Variants in YEATS2 observed in about 807,000 individuals in gnomAD.
YEATS2 encodes the protein YEATS domain-containing protein 2.
In YEATS2, 77 loss-of-function variants were observed where a neutral mutation model predicts 163.2. The ratio of observed to expected loss-of-function variants is 0.47; its 90% CI spans 0.39 to 0.57. YEATS2 has a LOEUF of 0.57. Ranked by LOEUF, YEATS2 falls within the 20% of genes least tolerant of loss-of-function variation. The probability of loss-of-function intolerance (pLI) is 0.00; values close to 1 mark genes in which losing one functional copy is unlikely to be tolerated. For missense variants in YEATS2, 1,549 were observed against 1,729.8 expected, an observed-to-expected ratio of 0.90 and a Z score of 1.85; for synonymous variants, 631 against 645.1, an observed-to-expected ratio of 0.98 and a Z score of 0.33.
intron 2 of YEATS2, among the ~76,000 whole-genome samples, chr3:183,716,566 C>A (rs1459080308): frequency 2.0e-5 from 3 of 152,142 alleles, no homozygotes; most frequent in Non-Finnish European, 4.4e-5. Context: ...AGAGGAAATA[C>A]CGTTTCCTTT....
intron 10 of YEATS2, 106 bp from the exon 11 acceptor site, chr3:183,754,020 T>G: frequency 7.1e-7 from 1 of 1,401,998 alleles, no homozygotes; most frequent in Non-Finnish European, 9.5e-7. Context: ...CAGTACATGG[T>G]TTAAAATGGT....
Position 183,760,313 on chromosome 3 carries a change from A to AGTTTTTTTTTTTTTTTTT in YEATS2, c.1657-1194_1657-1193insGTTTTTTTTTTTTTTTTT, listed in dbSNP as rs1283432086. ...TTGAGAATTAAAGAGAAACTACAGA[A>AGTTTTTTTTTTTTTTTTT]TTTTTTTTTTTTTTTTTTTTTTTTT... On this transcript the variant is annotated intron_variant, in intron 13 of 30. Coordinates refer to ENST00000305135, the MANE Select transcript of YEATS2 (RefSeq NM_018023.5). 1.8e-5 allele frequency among the ~76,000 whole-genome samples: 2 copies of AGTTTTTTTTTTTTTTTTT among 110,314 alleles called. 1 individual carries two copies. The highest frequency in any genetic ancestry group is 7.3e-5 in the African/African-American group (2 of 27,522). The allele number at this position is 110,314 out of a possible 152,430, so 72.4% of individuals were successfully genotyped here.
At chr3:183,731,044 G>A (rs577964539) in intron 7 of YEATS2, among the ~76,000 whole-genome samples, 4 of 152,274 alleles carry the variant, frequency 2.6e-5, no homozygotes, top group African/African-American at 9.6e-5. Context: ...GCTCAGGCCT[G>A]TAATTCCAGC....
chr3:183,773,813 T>C lies in YEATS2; in HGVS notation c.2368+19T>C, dbSNP rs931172778. 2 of 1,591,350 alleles carry C rather than the reference T, an allele frequency of 1.3e-6. No individual in the cohort carries two copies. Among genetic ancestry groups the C allele is most frequent in the African/African-American group, 2.7e-5 (2 of 73,788 alleles). ...AATGCTAGTTAGTGAAACCATTGGG[T>C]TGAATCATTTGGTTCTTGGTTCTCT... On this transcript the variant is annotated intron_variant, in intron 17 of 30. Coordinates refer to ENST00000305135, the MANE Select transcript of YEATS2 (RefSeq NM_018023.5).
At chr3:183,806,778 C>A in intron 27 of YEATS2, 88 bp from the exon 28 acceptor site, 1 of 1,374,956 alleles carries the variant, frequency 7.3e-7, no homozygotes, top group Non-Finnish European at 1.0e-6. Context: ...TGCTTATCCC[C>A]CTTCCTCAGA....
chr3:183,756,216 A>G (rs1478636084), intron 11 of YEATS2, among the ~76,000 whole-genome samples: 1 of 152,246 alleles, frequency 6.6e-6, no homozygotes, highest in Non-Finnish European at 1.5e-5. Flanking sequence ...GGTGCATACC[A>G]GGAGATCTTG....
chr3:183,751,020 AC>A (rs1270137213), intron 9 of YEATS2, among the ~76,000 whole-genome samples: 25 of 152,304 alleles, frequency 1.6e-4, no homozygotes, highest in Admixed American at 1.5e-3. Flanking sequence ...AGAAACCATT[AC>A]CAAATTCAGT....
Position 183,777,712 on chromosome 3 carries a change from C to A in YEATS2, c.2736+12C>A. On this transcript the variant is annotated intron_variant, in intron 19 of 30. Transcript: ENST00000305135. ...CATTGTTTACACAGGTAAATACGCC[C>A]ATGCACACACCCCAAATATGGGGTG... 6.2e-7 allele frequency: 1 copy of A among 1,610,168 alleles called. No homozygotes were observed. The highest frequency in any genetic ancestry group is 8.5e-7 in the Non-Finnish European group (1 of 1,178,068).
intron 15 of YEATS2, among the ~76,000 whole-genome samples, chr3:183,771,262 G>A (rs975069931): frequency 6.6e-6 from 1 of 152,088 alleles, no homozygotes; most frequent in African/African-American, 2.4e-5. Flanking sequence ...CCTTAAGAAG[G>A]TAGATCATTT....
At chr3:183,768,934 C>T (rs760630056) in intron 15 of YEATS2, among the ~76,000 whole-genome samples, 17 of 152,058 alleles carry the variant, frequency 1.1e-4, no homozygotes, top group Non-Finnish European at 2.2e-4. Context: ...ATCGTGCCAC[C>T]GCACTCCAGC....
Position 183,722,129 on chromosome 3 carries a change from C to A in YEATS2, c.530C>A (p.Thr177Asn). 3.7e-6 allele frequency: 6 copies of A among 1,613,720 alleles called. No homozygotes were observed. Among genetic ancestry groups the A allele is most frequent in the Non-Finnish European group, 5.1e-6 (6 of 1,179,944 alleles). Residue 177 changes from threonine to asparagine, a missense_variant, in exon 5 of 31, where the codon ACT (threonine) becomes AAT (asparagine). By Grantham distance (65) the Thr-to-Asn change is moderately conservative. Coordinates refer to ENST00000305135, the MANE Select transcript of YEATS2 (RefSeq NM_018023.5). Reference protein sequence around the residue: ...NNMEQRPSRNTGRDTSRITGS... With the variant: ...NNMEQRPSRNNGRDTSRITGS... ...ATGGAGCAGAGACCAAGCCGAAATA[C>A]TGGAAGGGTATATAGATGGGTGGAT...
At chr3:183,808,957 C>T in intron 29 of YEATS2, 140 bp from the exon 30 acceptor site, 1 of 687,272 alleles carries the variant, frequency 1.5e-6, no homozygotes, top group Non-Finnish European at 2.6e-6. Context: ...ATTATTGAGG[C>T]CTTTAATTTT....
rs371992731 is a variant in YEATS2 at position 183,776,137 on chromosome 3, T to C, written c.2577+14T>C. The C allele has an allele frequency of 1.3e-5, 20 of 1,535,678 alleles. No individual in the cohort carries two copies. The highest frequency in any genetic ancestry group is 1.7e-5 in the Non-Finnish European group (20 of 1,144,442). On this transcript the variant is annotated intron_variant, in intron 18 of 30. Coordinates refer to ENST00000305135, the MANE Select transcript of YEATS2 (RefSeq NM_018023.5). ...CAAACTCCCCAGGTCTGGTTCTCTG[T>C]AACTGATATTTTAAATCATTTAGCT...
chr3:183,759,668 C>A (rs1289951334), intron 13 of YEATS2, among the ~76,000 whole-genome samples: 1 of 152,230 alleles, frequency 6.6e-6, no homozygotes, highest in Non-Finnish European at 1.5e-5. Context: ...TCCCACCTTA[C>A]AGTGGTCCAA....
chr3:183,803,465 A>G lies in YEATS2; in HGVS notation c.3582+130A>G, dbSNP rs950317078. On this transcript the variant is annotated intron_variant, in intron 26 of 30. Coordinates refer to ENST00000305135, the MANE Select transcript of YEATS2 (RefSeq NM_018023.5). ...ATTTTCCTCAGTTAAAAAAAATCTCATTTTTCAAAGACCTGTATCCAGCTG... is the reference window on the plus strand; with the variant it reads ...ATTTTCCTCAGTTAAAAAAAATCTCGTTTTTCAAAGACCTGTATCCAGCTG... 26 of 958,442 alleles carry G rather than the reference A, an allele frequency of 2.7e-5. No individual in the cohort carries two copies. In the East Asian group the frequency reaches 6.7e-4, roughly 25 times the overall value. 59.4% of individuals were successfully genotyped at this position (958,442 alleles called of 1,614,324 possible).
In YEATS2 at chr3:183,810,542, C is replaced by G. The variant is rs751042837; in HGVS notation, c.4228C>G (p.Leu1410Val). Residue 1410 changes from leucine (L) to valine (V), a missense_variant, in exon 31 of 31, where the codon CTC becomes GTC. Physicochemically the swap from Leu to Val is conservative, Grantham distance 32 (BLOSUM62 1). Coordinates refer to ENST00000305135, the MANE Select transcript of YEATS2 (RefSeq NM_018023.5). The stretch of plus-strand genomic sequence containing the variant: ...TTGCAACATTCCTTTTCTGGACTTC[C>G]TCACAAACAAACACATGGGAATATT... ...AICNIPFLDF[L>V]TNKHMGILNE... is the part of the protein sequence containing the mutation. 6.2e-7 allele frequency: 1 copy of G among 1,614,144 alleles called. No individual in the cohort carries two copies. The highest frequency in any genetic ancestry group is 1.1e-5 in the South Asian group (1 of 91,084).
intron 2 of YEATS2, among the ~76,000 whole-genome samples, chr3:183,716,654 T>A (rs1715909991): frequency 6.6e-6 from 1 of 152,186 alleles, no homozygotes; most frequent in South Asian, 2.1e-4. Context: ...CATAACTTTT[T>A]AAAATAAAAA....
intron 1 of YEATS2, among the ~76,000 whole-genome samples, chr3:183,700,770 CAAAA>C (rs774835127): frequency 5.3e-5 from 2 of 37,754 alleles, no homozygotes; most frequent in East Asian, 1.1e-3. Flanking sequence ...GACTTCGTCT[CAAAA>C]AAAAAAAAAA....
At chr3:183,747,256 T>G (rs1719643330) in intron 8 of YEATS2, among the ~76,000 whole-genome samples, 1 of 152,238 alleles carries the variant, frequency 6.6e-6, no homozygotes. Context: ...TTAAAATATC[T>G]GTACACAGTC....
Sources: allele counts gnomAD v4.1 joint callset (sites outside exome capture counted in the v4.1 genomes callset), GRCh38; gene constraint gnomAD v4.1.1; transcripts MANE v1.5; gene names NCBI Gene and HGNC (gene_info 2026-07-23, HGNC 2026-07-21).